Variants in RBFOX1 observed in about 807,000 individuals in gnomAD.
The protein encoded by RBFOX1 is RNA binding protein fox-1 homolog 1.
RBFOX1 carries 8 observed loss-of-function variants against 57.7 expected under a neutral mutation model. The observed-to-expected ratio is 0.14, with a 90% CI of 0.08 to 0.25. The LOEUF (loss-of-function observed/expected upper bound fraction) is 0.25, where lower values mean the gene tolerates loss of function less well. Among genes scored for constraint, RBFOX1 ranks in the 10% least tolerant of loss-of-function variants. The pLI, the probability that RBFOX1 is intolerant of heterozygous loss-of-function variation, is 1.00. For synonymous variants in RBFOX1, 326 were observed against 222.4 expected (o/e 1.47, Z -4.15); for missense variants, 611 against 548.5 (o/e 1.11, Z -1.14).
At chr16:7,295,174 C>A (rs1320614450) in intron 4 of RBFOX1, among the ~76,000 whole-genome samples, 1 of 152,156 alleles carries the variant, frequency 6.6e-6, no homozygotes, top group Non-Finnish European at 1.5e-5. Flanking sequence ...TCATTTGATT[C>A]ATTAGCAAGG....
chr16:5,882,178 C>T (rs549440839), intron 4 of RBFOX1, among the ~76,000 whole-genome samples: 1 of 152,188 alleles, frequency 6.6e-6, no homozygotes, highest in Admixed American at 6.5e-5. Context: ...GGTGAAATCA[C>T]TAACCTCTAC....
At chr16:6,605,714 A>G (rs2097916296) in intron 2 of RBFOX1, among the ~76,000 whole-genome samples, 1 of 152,196 alleles carries the variant, frequency 6.6e-6, no homozygotes, top group Non-Finnish European at 1.5e-5. Context: ...ATGCTGTGTC[A>G]GCGAACAGGA....
intron 3 of RBFOX1, among the ~76,000 whole-genome samples, chr16:6,963,991 C>G (rs868602686): frequency 2.0e-5 from 3 of 151,424 alleles, no homozygotes; most frequent in African/African-American, 7.3e-5. Context: ...AGCCACTGCG[C>G]CCAGCCCCGG....
chr16:6,410,061 C>G (rs191704157), intron 2 of RBFOX1, among the ~76,000 whole-genome samples: 5 of 152,092 alleles, frequency 3.3e-5, no homozygotes, highest in Admixed American at 2.6e-4. Context: ...TGGGAAAATG[C>G]CTCTGTTAAA....
intron 1 of RBFOX1, among the ~76,000 whole-genome samples, chr16:6,194,227 C>A (rs533897264): frequency 6.6e-6 from 1 of 152,166 alleles, no homozygotes; most frequent in African/African-American, 2.4e-5. Flanking sequence ...TCCTGCATTA[C>A]CTCCTGAAGA....
intron 4 of RBFOX1, among the ~76,000 whole-genome samples, chr16:7,194,171 A>C (rs1334129909): frequency 6.6e-6 from 1 of 152,196 alleles, no homozygotes; most frequent in Non-Finnish European, 1.5e-5. Context: ...ACATCTCTCT[A>C]ATACTTTGTG....
chr16:7,258,009 G>T (rs1387308359), intron 4 of RBFOX1, among the ~76,000 whole-genome samples: 2 of 152,204 alleles, frequency 1.3e-5, no homozygotes, highest in African/African-American at 4.8e-5. Context: ...TGACATTTGA[G>T]ATGTTCAATG....
Position 6,034,942 on chromosome 16 carries a change from A to G in RBFOX1, c.-127+14950A>G, listed in dbSNP as rs186233887. 1.7e-3 allele frequency among the ~76,000 whole-genome samples: 163 copies of G among 96,742 alleles called. 2 individuals are homozygous for G. Among genetic ancestry groups the G allele is most frequent in the Admixed American group, 0.014 (151 of 10,800 alleles). 63.5% of individuals were successfully genotyped at this position (96,742 alleles called of 152,430 possible). On this transcript the variant is annotated intron_variant, in intron 1 of 15. Coordinates refer to ENST00000550418, the MANE Select transcript of RBFOX1 (RefSeq NM_018723.4). ...TCTAGGCTTAACCATTGAGCTGGGA[A>G]GCTGTGGTGGGTTTTAAGCAGCAGA...
At chr16:6,293,702 T>C (rs1418372165) in intron 1 of RBFOX1, among the ~76,000 whole-genome samples, 3 of 151,968 alleles carry the variant, frequency 2.0e-5, no homozygotes, top group African/African-American at 4.8e-5. Context: ...CGTCGCCTGG[T>C]ATGGGCAGGA....
chr16:7,457,715 C>G (rs938717564), intron 4 of RBFOX1, among the ~76,000 whole-genome samples: 4 of 152,122 alleles, frequency 2.6e-5, no homozygotes, highest in Non-Finnish European at 5.9e-5. Flanking sequence ...AGGGCCCTCC[C>G]CATTCCTCCC....
intron 2 of RBFOX1, among the ~76,000 whole-genome samples, chr16:6,474,768 A>G (rs2095246862): frequency 6.6e-6 from 1 of 152,208 alleles, no homozygotes; most frequent in South Asian, 2.1e-4. Flanking sequence ...GTAAGCTTCT[A>G]GAATTCTGGT....
intron 5 of RBFOX1, among the ~76,000 whole-genome samples, chr16:7,545,470 C>T (rs1394909941): frequency 2.0e-5 from 3 of 152,126 alleles, no homozygotes; most frequent in Non-Finnish European, 4.4e-5. Flanking sequence ...AAAACCCCAG[C>T]CCTGGCACCC....
At chr16:7,691,870 C>A (rs980409434) in intron 14 of RBFOX1, among the ~76,000 whole-genome samples, 77 of 152,154 alleles carry the variant, frequency 5.1e-4, no homozygotes, top group African/African-American at 1.8e-3. Flanking sequence ...TTGGATAAAT[C>A]ATGTCGCCAT....
intron 4 of RBFOX1, among the ~76,000 whole-genome samples, chr16:7,211,143 GCACT>G (rs2091044935): frequency 6.6e-6 from 1 of 150,698 alleles, no homozygotes; most frequent in Admixed American, 6.6e-5. Flanking sequence ...TGTAATCCCA[GCACT>G]TTGGGAGGCC....
intron 3 of RBFOX1, chr16:6,704,569 T>C (rs2062400365): frequency 6.6e-6 from 1 of 152,368 alleles, no homozygotes; most frequent in South Asian, 2.1e-4. Flanking sequence ...TACCAGACTG[T>C]TTATAATATG....
chr16:5,974,597 G>C (rs1201049980), intron 4 of RBFOX1, among the ~76,000 whole-genome samples: 1 of 152,042 alleles, frequency 6.6e-6, no homozygotes, highest in African/African-American at 2.4e-5. Context: ...GCGACAGAGC[G>C]AAAGTCCATC....
intron 2 of RBFOX1, among the ~76,000 whole-genome samples, chr16:5,536,763 C>T (rs1470316469): frequency 6.6e-6 from 1 of 150,792 alleles, no homozygotes; most frequent in African/African-American, 2.4e-5. Flanking sequence ...AGGGATGTAA[C>T]ATCTTATTGT....
At chr16:7,663,142 T>C (rs1568345634) in intron 12 of RBFOX1, among the ~76,000 whole-genome samples, 1 of 152,232 alleles carries the variant, frequency 6.6e-6, no homozygotes. Flanking sequence ...TTGCTCCCTC[T>C]CTTTCATCAG....
intron 4 of RBFOX1, among the ~76,000 whole-genome samples, chr16:7,173,673 C>A (rs753945682): frequency 7.2e-5 from 11 of 152,076 alleles, no homozygotes; most frequent in Non-Finnish European, 1.2e-4. Flanking sequence ...GAGAATGGCT[C>A]CAGAAGGGTG....
Sources: gnomAD v4.1 joint callset for allele counts (sites outside exome capture counted in the v4.1 genomes callset) on GRCh38, gnomAD v4.1.1 for gene constraint, MANE v1.5 for transcripts, NCBI Gene and HGNC (gene_info 2026-07-23, HGNC 2026-07-21) for gene names.